GULP1: variants seen among roughly 807,000 people sequenced by gnomAD.
The protein encoded by GULP1 is PTB domain-containing engulfment adapter protein 1.
GULP1 carries 19 observed loss-of-function variants against 40.9 expected under a neutral mutation model. The observed-to-expected ratio is 0.46, with a 90% CI of 0.32 to 0.68. GULP1 has a LOEUF of 0.68. Ranked by LOEUF, GULP1 falls within the 30% of genes least tolerant of loss-of-function variation. GULP1 has a pLI of 0.03. For missense variants in GULP1, 312 were observed against 362.2 expected, an observed-to-expected ratio of 0.86 and a Z score of 1.12; for synonymous variants, 119 against 117.6, an observed-to-expected ratio of 1.01 and a Z score of -0.08.
chr2:188,541,415 TTTCTGTAAATTA>T (rs775976365), intron 7 of GULP1, 97 bp downstream of exon 7: 1 of 994,256 alleles, frequency 1.0e-6, no homozygotes, highest in Admixed American at 1.7e-5. Flanking sequence ...AATGAATAAT[TTTCTGTAAATTA>T]TTCTGTAAAA....
At chr2:188,523,589 C>T (rs1291616090) in intron 5 of GULP1, among the ~76,000 whole-genome samples, 2 of 151,804 alleles carry the variant, frequency 1.3e-5, no homozygotes, top group African/African-American at 4.8e-5. Flanking sequence ...ATGTTATTCT[C>T]TATAGTTGCT....
In GULP1 at chr2:188,593,978, A is replaced by G; in HGVS notation, c.882A>G (p.Val294=). 1 of 1,601,854 alleles carries G rather than the reference A, an allele frequency of 6.2e-7. No individual in the cohort carries two copies. The change falls in exon 12 of 12, where the codon GTA becomes GTG. Residue 294 remains valine (V), a synonymous_variant. Transcript: ENST00000409830. ...FKMGLTLEGT[V]FCLDPLDSRC ...TGGGACTAACTCTTGAAGGCACAGT[A>G]TTTTGTCTCGACCCGTTAGACAGTA...
At chr2:188,536,355 A>G (rs982011991) in intron 6 of GULP1, among the ~76,000 whole-genome samples, 6 of 152,082 alleles carry the variant, frequency 3.9e-5, no homozygotes, top group African/African-American at 1.4e-4. Context: ...TCTTGAGTTA[A>G]TTTCTGTATA....
chr2:188,473,752 G>A (rs1005204362), intron 2 of GULP1, among the ~76,000 whole-genome samples: 2 of 151,902 alleles, frequency 1.3e-5, no homozygotes, highest in Admixed American at 1.3e-4. Context: ...CCCAAGAGAC[G>A]AGTTGGTTCT....
intron 2 of GULP1, among the ~76,000 whole-genome samples, chr2:188,441,024 A>G (rs1164260898): frequency 6.6e-6 from 1 of 152,140 alleles, no homozygotes; most frequent in South Asian, 2.1e-4. Flanking sequence ...TGGTTTGCAT[A>G]TTAGAGGGCA....
chr2:188,381,448 A>C (rs1184103531), intron 1 of GULP1, among the ~76,000 whole-genome samples: 1 of 152,136 alleles, frequency 6.6e-6, no homozygotes, highest in African/African-American at 2.4e-5. Context: ...TCTTTTATTA[A>C]ATTTTGGAAT....
intron 2 of GULP1, among the ~76,000 whole-genome samples, chr2:188,411,988 C>T (rs977514981): frequency 2.0e-5 from 3 of 152,170 alleles, no homozygotes; most frequent in Non-Finnish European, 4.4e-5. Flanking sequence ...ATAGGGAACT[C>T]CCCGTGAGGC....
chr2:188,433,273 T>C (rs139178461), intron 2 of GULP1, among the ~76,000 whole-genome samples: 2 of 152,184 alleles, frequency 1.3e-5, no homozygotes, highest in Non-Finnish European at 2.9e-5. Flanking sequence ...TTGTAAATGA[T>C]TTGTTTATAT....
intron 1 of GULP1, among the ~76,000 whole-genome samples, chr2:188,356,082 T>C (rs142597010): frequency 0.014 from 2,123 of 152,188 alleles, 26 homozygotes; most frequent in Non-Finnish European, 0.024. Context: ...ATATATGCCA[T>C]ACTGAATGTA....
At chr2:188,297,650 T>A (rs2035268030) in intron 1 of GULP1, 1 of 371,146 alleles carries the variant, frequency 2.7e-6, no homozygotes, top group Non-Finnish European at 5.4e-6. Context: ...GTCTTCAGTC[T>A]ACCCTCTTAT....
intron 6 of GULP1, among the ~76,000 whole-genome samples, chr2:188,537,983 G>C (rs992886306): frequency 6.6e-6 from 1 of 151,948 alleles, no homozygotes; most frequent in African/African-American, 2.4e-5. Context: ...CAAGGTGTTC[G>C]TAATAGTCTC....
intron 9 of GULP1, among the ~76,000 whole-genome samples, chr2:188,573,149 T>C (rs1223454400): frequency 1.3e-5 from 2 of 152,188 alleles, no homozygotes; most frequent in Non-Finnish European, 2.9e-5. Context: ...ATCTAACCAA[T>C]TCAAATGGTT....
intron 2 of GULP1, among the ~76,000 whole-genome samples, chr2:188,463,438 AC>A (rs1278683886): frequency 6.6e-6 from 1 of 152,006 alleles, no homozygotes; most frequent in Non-Finnish European, 1.5e-5. Flanking sequence ...TGCTTTTAGC[AC>A]CCTTTCTTTA....
At chr2:188,349,258 A>G (rs1429343785) in intron 1 of GULP1, among the ~76,000 whole-genome samples, 4 of 152,170 alleles carry the variant, frequency 2.6e-5, no homozygotes, top group African/African-American at 7.2e-5. Context: ...TTGGGTATGA[A>G]CCTTGGAGTG....
At chr2:188,492,535 A>T (rs530762213) in intron 4 of GULP1, among the ~76,000 whole-genome samples, 1 of 152,196 alleles carries the variant, frequency 6.6e-6, no homozygotes, top group East Asian at 1.9e-4. Context: ...AGAAAAGCCC[A>T]GTGAGATTGG....
At chr2:188,549,223 T>A (rs1692808322) in intron 7 of GULP1, among the ~76,000 whole-genome samples, 1 of 151,830 alleles carries the variant, frequency 6.6e-6, no homozygotes, top group Non-Finnish European at 1.5e-5. Context: ...CTTATCAAAT[T>A]AGGGATGAAA....
At chr2:188,590,940 A>C (rs1271181245) in intron 11 of GULP1, 5 of 152,198 alleles carry the variant, frequency 3.3e-5, no homozygotes, top group Admixed American at 3.3e-4. Context: ...ATTTTAAAAT[A>C]TTTAAAATAT....
chr2:188,360,137 G>C (rs2045898185), intron 1 of GULP1, among the ~76,000 whole-genome samples: 1 of 151,998 alleles, frequency 6.6e-6, no homozygotes, highest in Non-Finnish European at 1.5e-5. Context: ...GTAGTTTCCT[G>C]CTGGTTTACT....
chr2:188,529,038 T>C, intron 5 of GULP1, 59 bp from the exon 6 acceptor site: 4 of 820,346 alleles, frequency 4.9e-6, no homozygotes, highest in Non-Finnish European at 8.1e-6. Flanking sequence ...GTATATTTAT[T>C]TTTGTTCATT....
Sources: gnomAD v4.1 joint callset for allele counts (sites outside exome capture counted in the v4.1 genomes callset) on GRCh38, gnomAD v4.1.1 for gene constraint, MANE v1.5 for transcripts, NCBI Gene and HGNC (gene_info 2026-07-23, HGNC 2026-07-21) for gene names.